Variants in FBXL17 observed in about 807,000 individuals in gnomAD.
FBXL17 encodes the protein F-box and leucine rich repeat protein 17, also known as F-box/LRR-repeat protein 17.
Under a neutral mutation model 66.2 loss-of-function variants are expected in FBXL17, and 22 were observed. That is an observed-to-expected ratio of 0.33 (90% CI 0.24 to 0.47). The LOEUF (loss-of-function observed/expected upper bound fraction) is 0.47. Ranked by LOEUF, FBXL17 falls within the 20% of genes least tolerant of loss-of-function variation. The pLI is 1.00. For synonymous variants in FBXL17, 474 were observed against 400.5 expected (o/e 1.18, Z -2.19); for missense variants, 878 against 948.2 (o/e 0.93, Z 0.97).
At chr5:108,379,502 A>G in intron 1 of FBXL17, among the ~76,000 whole-genome samples, 1 of 149,882 alleles carries the variant, frequency 6.7e-6, no homozygotes, top group East Asian at 2.0e-4. Context: ...AAGAACAATA[A>G]TATCACTGTA....
chr5:108,355,236 A>G (rs1747902400), intron 3 of FBXL17, among the ~76,000 whole-genome samples: 1 of 151,586 alleles, frequency 6.6e-6, no homozygotes, highest in Non-Finnish European at 1.5e-5. Flanking sequence ...AGTAAATAGT[A>G]TCAATAATAT....
chr5:108,276,569 T>C (rs1011750087), intron 4 of FBXL17, among the ~76,000 whole-genome samples: 2 of 152,160 alleles, frequency 1.3e-5, no homozygotes, highest in African/African-American at 4.8e-5. Flanking sequence ...CTTCTATTTA[T>C]AATGATCTCT....
rs76569407 is a variant in FBXL17, at chr5:107,862,902, T to C, written c.1966-1042A>G. The stretch of plus-strand genomic sequence containing the variant: ...CTATCTGCACTTTTCTGAAATAGCA[T>C]GATGTTTTCTAAGTGATCTAGAAAA... On this transcript the variant is annotated intron_variant, in intron 8 of 8. Coordinates refer to ENST00000542267, the MANE Select transcript of FBXL17 (RefSeq NM_001163315.3). 6.4e-4 allele frequency among the ~76,000 whole-genome samples: 97 copies of C among 151,552 alleles called. 2 individuals are homozygous for C. The East Asian group carries it at 0.01, about 16-fold the overall frequency.
At chr5:107,866,083 TG>T (rs1748262671) in intron 8 of FBXL17, among the ~76,000 whole-genome samples, 1 of 70,994 alleles carries the variant, frequency 1.4e-5, no homozygotes, top group Non-Finnish European at 2.7e-5. Flanking sequence ...ACATTAAAGA[TG>T]AAGTTTTTTT....
At chr5:108,285,148 C>G (rs890078958) in intron 4 of FBXL17, among the ~76,000 whole-genome samples, 1 of 151,908 alleles carries the variant, frequency 6.6e-6, no homozygotes, top group African/African-American at 2.4e-5. Flanking sequence ...GCAACTGCAG[C>G]AATTCAGTCA....
intron 7 of FBXL17, among the ~76,000 whole-genome samples, chr5:107,922,809 C>T (rs1173158693): frequency 6.6e-6 from 1 of 152,160 alleles, no homozygotes; most frequent in African/African-American, 2.4e-5. Context: ...GGTCATCTGC[C>T]ACCTTCAAAG....
At chr5:108,314,484 T>C (rs903838333) in intron 4 of FBXL17, among the ~76,000 whole-genome samples, 7 of 151,810 alleles carry the variant, frequency 4.6e-5, no homozygotes, top group Non-Finnish European at 7.4e-5. Flanking sequence ...ATTTCATTCA[T>C]ATGGTTGCCA....
At chr5:108,218,600 C>T (rs185854575) in intron 5 of FBXL17, among the ~76,000 whole-genome samples, 103 of 152,206 alleles carry the variant, frequency 6.8e-4, no homozygotes, top group African/African-American at 2.4e-3. Context: ...GTTATCTTTC[C>T]CCTTTTTAAT....
At chr5:108,134,030 C>T (rs541416562) in intron 6 of FBXL17, among the ~76,000 whole-genome samples, 264 of 152,152 alleles carry the variant, frequency 1.7e-3, no homozygotes, top group African/African-American at 6.1e-3. Flanking sequence ...CATTGGCTGT[C>T]CTTATTAGCT....
At chr5:108,310,083 T>G (rs1049173641) in intron 4 of FBXL17, among the ~76,000 whole-genome samples, 4 of 152,176 alleles carry the variant, frequency 2.6e-5, no homozygotes, top group African/African-American at 9.6e-5. Flanking sequence ...GTCTGTACAT[T>G]AAGAGCTTTC....
chr5:107,902,793 T>G (rs114820047), intron 7 of FBXL17, among the ~76,000 whole-genome samples: 5 of 152,132 alleles, frequency 3.3e-5, no homozygotes, highest in African/African-American at 1.2e-4. Flanking sequence ...ATGCACTTTG[T>G]GGTATCTATT....
chr5:108,264,419 A>G (rs1051207214), intron 4 of FBXL17, among the ~76,000 whole-genome samples: 1 of 151,936 alleles, frequency 6.6e-6, no homozygotes, highest in Non-Finnish European at 1.5e-5. Flanking sequence ...AAGGAACTAA[A>G]TTATTTAAAC....
intron 7 of FBXL17, among the ~76,000 whole-genome samples, chr5:107,892,304 T>A (rs901108707): frequency 6.6e-6 from 1 of 151,552 alleles, no homozygotes; most frequent in Non-Finnish European, 1.5e-5. Flanking sequence ...CAGAAAGGGG[T>A]CTTGTTTAAA....
intron 7 of FBXL17, among the ~76,000 whole-genome samples, chr5:107,978,171 T>G (rs920660294): frequency 6.6e-6 from 1 of 152,096 alleles, no homozygotes; most frequent in Non-Finnish European, 1.5e-5. Flanking sequence ...ATTATGACAG[T>G]GAGAGAAATC....
intron 4 of FBXL17, chr5:108,299,237 A>G (rs1758477396): frequency 1.0e-6 from 1 of 985,238 alleles, no homozygotes; most frequent in Non-Finnish European, 1.2e-6. Flanking sequence ...TAAATTCCCA[A>G]TCTGCACCTA....
chr5:108,102,537 T>C (rs1020743605), intron 6 of FBXL17, among the ~76,000 whole-genome samples: 1 of 152,176 alleles, frequency 6.6e-6, no homozygotes, highest in Non-Finnish European at 1.5e-5. Context: ...GCCTACATTA[T>C]TGCATTTAAA....
At chr5:108,161,716 A>G (rs1465199634) in intron 6 of FBXL17, among the ~76,000 whole-genome samples, 1 of 152,214 alleles carries the variant, frequency 6.6e-6, no homozygotes, top group African/African-American at 2.4e-5. Context: ...ATGTAAAGAA[A>G]TTTGGTTGCA....
chr5:107,946,303 ATATAT>A (rs1751290644), intron 7 of FBXL17, among the ~76,000 whole-genome samples: 1 of 85,356 alleles, frequency 1.2e-5, no homozygotes. Flanking sequence ...ATATATATAT[ATATAT>A]ATTAGTGACA....
rs143456777 is a variant in FBXL17, at chr5:108,203,907, T to G, written c.1615-17660A>C. Among the ~76,000 whole-genome samples the G allele has an allele frequency of 9.9e-5, 15 of 152,276 alleles. No individual in the cohort carries two copies. In the East Asian group the frequency reaches 2.7e-3, roughly 27 times the overall value. On this transcript the variant is annotated intron_variant, in intron 5 of 8. Coordinates refer to ENST00000542267, the MANE Select transcript of FBXL17 (RefSeq NM_001163315.3). ...TCAACTGAAAAAATCAATTTTGTTT[T>G]CCTTTAAAAACATTTAACATTTCCA...
Sources: allele counts gnomAD v4.1 joint callset (sites outside exome capture counted in the v4.1 genomes callset), GRCh38; gene constraint gnomAD v4.1.1; transcripts MANE v1.5; gene names NCBI Gene and HGNC (gene_info 2026-07-23, HGNC 2026-07-21).